The following OMA1 variants were observed in gnomAD, a reference collection of about 807,000 sequenced individuals.
OMA1 encodes metalloendopeptidase OMA1, mitochondrial.
A neutral mutation model predicts 30.9 loss-of-function variants in OMA1; 38 were observed. That is an observed-to-expected ratio of 1.23 (90% CI 0.95 to 1.61). The LOEUF (loss-of-function observed/expected upper bound fraction) is 1.61. Among genes scored for constraint, OMA1 ranks in the 40% most tolerant of loss-of-function variants. The probability of loss-of-function intolerance (pLI) is 0.00; values close to 1 mark genes in which losing one functional copy is unlikely to be tolerated. For synonymous variants in OMA1, 173 were observed against 121.9 expected, an observed-to-expected ratio of 1.42 and a Z score of -2.76; for missense variants, 461 against 349.2, an observed-to-expected ratio of 1.32 and a Z score of -2.55.
At chr1:58,485,080 T>C (rs950148434) in intron 8 of OMA1, among the ~76,000 whole-genome samples, 1 of 151,992 alleles carries the variant, frequency 6.6e-6, no homozygotes, top group African/African-American at 2.4e-5. Context: ...GGTTCATCAA[T>C]TGTAACTAAT....
In OMA1 at chr1:58,546,052, T is replaced by C. The variant is rs117519569; in HGVS notation, c.-17+651A>G. On this transcript the variant is annotated intron_variant, in intron 1 of 8. Transcript: ENST00000371226. ...CTGGACTACAATTTCTTGTTGAGGA[T>C]TGCACGGCACAATAAAACTGTTGCT... Among the ~76,000 whole-genome samples, 17 of 152,332 alleles carry C rather than the reference T, an allele frequency of 1.1e-4. No homozygotes were observed. In the East Asian group the frequency reaches 2.9e-3, roughly 26 times the overall value.
At chr1:58,523,769 G>A (rs1453408180) in intron 7 of OMA1, among the ~76,000 whole-genome samples, 3 of 152,148 alleles carry the variant, frequency 2.0e-5, no homozygotes, top group Non-Finnish European at 4.4e-5. Context: ...CATGGTGGTG[G>A]GTGCCTGTAA....
chr1:58,542,585 T>C (rs967212774), intron 1 of OMA1: 3 of 150,218 alleles, frequency 2.0e-5, no homozygotes, highest in African/African-American at 7.4e-5. Flanking sequence ...CAAAAAAAAA[T>C]GGAAAGAACT....
chr1:58,529,486 A>G (rs1171452614), intron 6 of OMA1, among the ~76,000 whole-genome samples: 1 of 152,224 alleles, frequency 6.6e-6, no homozygotes, highest in African/African-American at 2.4e-5. Context: ...ATTATTATAC[A>G]TAAGCACTAA....
chr1:58,512,664 C>T (rs57318433), intron 7 of OMA1, among the ~76,000 whole-genome samples: 7 of 152,082 alleles, frequency 4.6e-5, no homozygotes, highest in Admixed American at 2.0e-4. Flanking sequence ...AAATACGAGA[C>T]GATTCCACTT....
At chr1:58,537,062 T>TTCTC (rs150887072) in intron 2 of OMA1, among the ~76,000 whole-genome samples, 148 of 145,908 alleles carry the variant, frequency 1.0e-3, no homozygotes, top group African/African-American at 1.8e-3. Context: ...ACATGCAAAA[T>TTCTC]TCTCTCTCTC....
intron 3 of OMA1, among the ~76,000 whole-genome samples, chr1:58,536,083 G>C (rs986648465): frequency 6.6e-6 from 1 of 152,206 alleles, no homozygotes; most frequent in African/African-American, 2.4e-5. Context: ...TTACTCTCAT[G>C]AGTGCTTTGA....
At chr1:58,537,955 G>C (rs11808438) in intron 2 of OMA1, among the ~76,000 whole-genome samples, 20,406 of 152,068 alleles carry the variant, frequency 0.13, 1,478 homozygotes, top group African/African-American at 0.19. Context: ...AAGAGCATCC[G>C]AAGAACCTGG....
At chr1:58,533,830 A>C in intron 5 of OMA1, 123 bp downstream of exon 5, 2 of 680,314 alleles carry the variant, frequency 2.9e-6, no homozygotes, top group South Asian at 3.3e-5. Context: ...GATTAAGGCA[A>C]TTACCCAAAA....
intron 5 of OMA1, among the ~76,000 whole-genome samples, chr1:58,531,331 T>C (rs1244401660): frequency 1.3e-5 from 2 of 152,244 alleles, no homozygotes; most frequent in Non-Finnish European, 2.9e-5. Context: ...TATTCATTTA[T>C]ACAAGTTTGT....
At chr1:58,513,792 T>C (rs1557448276) in intron 7 of OMA1, among the ~76,000 whole-genome samples, 1 of 152,182 alleles carries the variant, frequency 6.6e-6, no homozygotes, top group Admixed American at 6.5e-5. Context: ...TCATAACAAC[T>C]TCATGTGGTA....
At chr1:58,519,940 T>A (rs937235128) in intron 7 of OMA1, among the ~76,000 whole-genome samples, 1 of 151,582 alleles carries the variant, frequency 6.6e-6, no homozygotes. Flanking sequence ...ATAAGATTAA[T>A]GAACTTCAAG....
At chr1:58,537,343 T>C (rs570991860) in intron 2 of OMA1, among the ~76,000 whole-genome samples, 4 of 152,304 alleles carry the variant, frequency 2.6e-5, no homozygotes, top group South Asian at 2.1e-4. Flanking sequence ...CCAACACAAT[T>C]TGCCAGTGAT....
In OMA1 at chr1:58,481,015, G is replaced by A. The variant is rs769541073; in HGVS notation, c.1525C>T (p.Gln509Ter). 1.1e-6 allele frequency: 1 copy of A among 871,354 alleles called. No homozygotes were observed. Among genetic ancestry groups the A allele is most frequent in the Admixed American group, 1.7e-5 (1 of 59,074 alleles). The allele number at this position is 871,354 out of a possible 1,614,324, so 54.0% of individuals were successfully genotyped here. ...QKMDTLPIQK[Q>*]EQIPLTYIVE... Reference sequence around the variant, plus strand: ...ATGTATGTTAATGGTATTTGCTCCTGTTTTTGAATAGGAAGAGTATCCATT... The same window carrying A: ...ATGTATGTTAATGGTATTTGCTCCTATTTTTGAATAGGAAGAGTATCCATT... The change falls in exon 9 of 9, where the codon CAG becomes TAG. Residue 509 changes from glutamine (Q) to a stop codon, truncating the protein, a stop_gained. Transcript: ENST00000371226. LOFTEE classifies it high-confidence loss of function.
In OMA1 at chr1:58,539,313, G is replaced by T; in HGVS notation, c.-16-3C>A. On this transcript the variant is annotated splice_polypyrimidine_tract_variant and splice_region_variant and intron_variant, in intron 1 of 8. Transcript: ENST00000371226. ...AGCTCATTTTTTCACTTGACTACCTGAAACAAAAAAAAAACTATAAATATC... is the reference window on the plus strand; with the variant it reads ...AGCTCATTTTTTCACTTGACTACCTTAAACAAAAAAAAAACTATAAATATC... 2 of 797,692 alleles carry T rather than the reference G, an allele frequency of 2.5e-6. No homozygotes were observed. Among genetic ancestry groups the T allele is most frequent in the South Asian group, 1.6e-5 (1 of 64,028 alleles). 49.4% of individuals were successfully genotyped at this position (797,692 alleles called of 1,614,324 possible).
At chr1:58,484,071 T>C (rs1645534167) in intron 8 of OMA1, among the ~76,000 whole-genome samples, 1 of 152,214 alleles carries the variant, frequency 6.6e-6, no homozygotes, top group South Asian at 2.1e-4. Context: ...TCTTCTCTTA[T>C]CCTTAAATTC....
intron 1 of OMA1, among the ~76,000 whole-genome samples, chr1:58,541,182 T>C (rs1473908222): frequency 3.3e-5 from 5 of 151,232 alleles, no homozygotes. Context: ...TAATCCCAGC[T>C]ACTCAGGAGG....
At chr1:58,499,059 T>A (rs1032459261) in intron 8 of OMA1, among the ~76,000 whole-genome samples, 4 of 152,044 alleles carry the variant, frequency 2.6e-5, no homozygotes, top group African/African-American at 9.7e-5. Flanking sequence ...AATATGAACA[T>A]GATAAAATCC....
chr1:58,532,550 C>CA (rs1275820457), intron 5 of OMA1, among the ~76,000 whole-genome samples: 1 of 152,030 alleles, frequency 6.6e-6, no homozygotes, highest in African/African-American at 2.4e-5. Flanking sequence ...TTGTTTGAGA[C>CA]AGTGTCTCAC....
Sources: gnomAD v4.1 joint callset for allele counts (sites outside exome capture counted in the v4.1 genomes callset) on GRCh38, gnomAD v4.1.1 for gene constraint, MANE v1.5 for transcripts, NCBI Gene and HGNC (gene_info 2026-07-23, HGNC 2026-07-21) for gene names.